Variants in LOXL4 observed in about 807,000 individuals in gnomAD.
The protein encoded by LOXL4 is lysyl oxidase like 4.
A neutral mutation model predicts 89.1 loss-of-function variants in LOXL4; 72 were observed. That is an observed-to-expected ratio of 0.81 (90% CI 0.67 to 0.98). LOXL4 has a LOEUF of 0.98. Among genes scored for constraint, LOXL4 ranks in the 50% least tolerant of loss-of-function variants. The pLI, the probability that LOXL4 is intolerant of heterozygous loss-of-function variation, is 0.00. For missense variants in LOXL4, 984 were observed against 1,017.5 expected (o/e 0.97, Z 0.45); for synonymous variants, 355 against 392.1 (o/e 0.91, Z 1.12).
intron 4 of LOXL4, among the ~76,000 whole-genome samples, chr10:98,259,812 G>C (rs1182419898): frequency 6.6e-6 from 1 of 152,146 alleles, no homozygotes; most frequent in African/African-American, 2.4e-5. Flanking sequence ...CTACCATCAG[G>C]CCTGCCCTCC....
At position 98,251,685 on chromosome 10, in the gene LOXL4, C is replaced by G. The variant is rs74153530; in HGVS notation, c.1969G>C (p.Ala657Pro). The G allele has an allele frequency of 1.1e-5, 17 of 1,614,078 alleles. No homozygotes were observed. In the Admixed American group the frequency reaches 2.7e-4, roughly 25 times the overall value. Reference sequence around the variant, plus strand: ...CCCTGTTCTCCAAAGTTGGCACATGCGTAGCGCCGCTGCAGTCCTGTAAGG... The same window carrying G: ...CCCTGTTCTCCAAAGTTGGCACATGGGTAGCGCCGCTGCAGTCCTGTAAGG... ...NCPTGLQRRY[A>P]CANFGEQGVT... Residue 657 changes from alanine (A) to proline (P), a missense_variant, in exon 13 of 15, where the codon GCA (alanine) becomes CCA (proline). Ala to Pro is a conservative substitution (Grantham distance 27). Coordinates refer to ENST00000260702, the MANE Select transcript of LOXL4 (RefSeq NM_032211.7).
chr10:98,264,209 G>A (rs1005477787), intron 1 of LOXL4, among the ~76,000 whole-genome samples: 12 of 150,826 alleles, frequency 8.0e-5, no homozygotes, highest in African/African-American at 2.2e-4. Context: ...TTAAGACATC[G>A]AACACCCTCC....
chr10:98,267,883 C>T (rs1334328284), intron 1 of LOXL4, among the ~76,000 whole-genome samples: 1 of 152,182 alleles, frequency 6.6e-6, no homozygotes. Flanking sequence ...ACGCAGGCAC[C>T]CCTGAGGCCT....
intron 3 of LOXL4, among the ~76,000 whole-genome samples, chr10:98,261,395 C>A (rs1341575460): frequency 6.6e-6 from 1 of 152,174 alleles, no homozygotes; most frequent in Non-Finnish European, 1.5e-5. Flanking sequence ...CTAGGCAGAT[C>A]TGGCCCCCGC....
In LOXL4 at chr10:98,261,120, C is replaced by T. The variant is rs752347058; in HGVS notation, c.464G>A (p.Arg155Gln). Residue 155 changes from arginine (R) to glutamine (Q), a missense_variant, in exon 4 of 15, where the codon CGG becomes CAG. Arg to Gln is a conservative substitution (Grantham distance 43). Coordinates refer to ENST00000260702, the MANE Select transcript of LOXL4 (RefSeq NM_032211.7). ...VSNALGPQGR[R>Q]LEEVRLKPIL... ...GGGCTTGAGCCGCACCTCCTCCAGC[C>T]GCCGGCCCTGCGGGGTGCACAGTCA... 5.6e-6 allele frequency: 9 copies of T among 1,611,788 alleles called. No homozygotes were observed. Among genetic ancestry groups the T allele is most frequent in the Admixed American group, 3.3e-5 (2 of 60,024 alleles).
At chr10:98,252,800 C>T (rs1564756018) in intron 11 of LOXL4, among the ~76,000 whole-genome samples, 1 of 152,192 alleles carries the variant, frequency 6.6e-6, no homozygotes. Flanking sequence ...CTGTGAGCAG[C>T]CTAGGAGCTG....
chr10:98,256,881 C>A lies in LOXL4; in HGVS notation c.1327G>T (p.Val443Phe). 1 of 1,614,212 alleles carries A rather than the reference C, an allele frequency of 6.2e-7. No individual in the cohort carries two copies. The highest frequency in any genetic ancestry group is 8.5e-7 in the Non-Finnish European group (1 of 1,180,030). The change falls in exon 9 of 15, where the codon GTC becomes TTC. Residue 443 changes from valine (V) to phenylalanine (F), a missense_variant. Val to Phe is a conservative substitution (Grantham distance 50, BLOSUM62 -1). Coordinates refer to ENST00000260702, the MANE Select transcript of LOXL4 (RefSeq NM_032211.7). ...CTGCACACGCTCCCCCAGCGTGGGA[C>A]CCCGTTCACCTCCACCTGCACCTCC... ...LLEVQVEVNG[V>F]PRWGSVCSEN...
chr10:98,256,653 G>A (rs554496180), intron 9 of LOXL4, 127 bp downstream of exon 9: 48 of 1,040,078 alleles, frequency 4.6e-5, no homozygotes, highest in Middle Eastern at 4.0e-4. Flanking sequence ...GCATCATGTC[G>A]GCTCATAGTT....
At chr10:98,253,422 G>T in intron 11 of LOXL4, 131 bp downstream of exon 11, 3 of 1,321,174 alleles carry the variant, frequency 2.3e-6, no homozygotes, top group Non-Finnish European at 3.1e-6. Context: ...CCTCCTGCAG[G>T]CAAGGCCAGC....
chr10:98,254,441 G>A (rs907272021), intron 10 of LOXL4, among the ~76,000 whole-genome samples: 4 of 152,244 alleles, frequency 2.6e-5, no homozygotes, highest in Admixed American at 2.0e-4. Context: ...GGAGCCATCT[G>A]CATCTGGCAG....
Position 98,253,878 on chromosome 10 carries a change from C to T in LOXL4, c.1592-82G>A, listed in dbSNP as rs1158398762. On this transcript the variant is annotated intron_variant, in intron 10 of 14. Coordinates refer to ENST00000260702, the MANE Select transcript of LOXL4 (RefSeq NM_032211.7). ...GTCTCCAGCACAGAGGGCAAGCTTG[C>T]CCCCAGATTAAACCCTCCGAGAGGA... The T allele has an allele frequency of 9.6e-6, 15 of 1,568,878 alleles. No individual in the cohort carries two copies. In the East Asian group the frequency reaches 3.2e-4, roughly 33 times the overall value.
intron 2 of LOXL4, 79 bp downstream of exon 2, chr10:98,262,664 G>A (rs1329292853): frequency 6.6e-7 from 1 of 1,520,732 alleles, no homozygotes; most frequent in Admixed American, 1.7e-5. Flanking sequence ...ATTAAAGGAT[G>A]GGTGGGTGTC....
At position 98,255,918 on chromosome 10, in the gene LOXL4, C is replaced by G. The variant is rs189868380; in HGVS notation, c.1429-179G>C. The G allele has an allele frequency of 3.3e-4, 208 of 637,544 alleles. No homozygotes were observed. In the African/African-American group the frequency reaches 3.7e-3, roughly 11 times the overall value. The allele number at this position is 637,544 out of a possible 1,614,324, so 39.5% of individuals were successfully genotyped here. On this transcript the variant is annotated intron_variant, in intron 9 of 14. Transcript: ENST00000260702. ...CAGTCCATGACACATTTGGACCCTTCTGATGTTAGAAATCCCCACCACATA... is the reference window on the plus strand; with the variant it reads ...CAGTCCATGACACATTTGGACCCTTGTGATGTTAGAAATCCCCACCACATA...
At chr10:98,264,995 G>T (rs1858644375) in intron 1 of LOXL4, among the ~76,000 whole-genome samples, 1 of 152,228 alleles carries the variant, frequency 6.6e-6, no homozygotes, top group African/African-American at 2.4e-5. Context: ...AGGGCTGGGT[G>T]GAGTGGGCTC....
At chr10:98,255,342 G>A (rs1858325673) in intron 10 of LOXL4, among the ~76,000 whole-genome samples, 1 of 152,196 alleles carries the variant, frequency 6.6e-6, no homozygotes, top group East Asian at 1.9e-4. Flanking sequence ...CCGCCGTTCC[G>A]TGTCCTTGTG....
chr10:98,257,783 C>T lies in LOXL4; in HGVS notation c.1127G>A (p.Ser376Asn). ...CTCATATCCCCTGCAGCGCACCTCACTCAGGTGGATGGGCCCTAGCCCTAG... is the reference window on the plus strand; with the variant it reads ...CTCATATCCCCTGCAGCGCACCTCATTCAGGTGGATGGGCCCTAGCCCTAG... ...LGQGLGPIHL[S>N]EVRCRGYERT... The change falls in exon 8 of 15, where the codon AGT becomes AAT. Residue 376 changes from serine to asparagine, a missense_variant. Ser to Asn is a conservative substitution (Grantham distance 46, BLOSUM62 1). Coordinates refer to ENST00000260702, the MANE Select transcript of LOXL4 (RefSeq NM_032211.7). 1.2e-6 allele frequency: 2 copies of T among 1,613,564 alleles called. No individual in the cohort carries two copies. Among genetic ancestry groups the T allele is most frequent in the South Asian group, 1.1e-5 (1 of 91,024 alleles).
intron 5 of LOXL4, 41 bp from the exon 6 acceptor site, chr10:98,259,269 G>A (rs1401462581): frequency 6.3e-7 from 1 of 1,593,054 alleles, no homozygotes; most frequent in Admixed American, 1.7e-5. Flanking sequence ...AAGGGCTGAG[G>A]GAAGAGCTTC....
rs373307070 is a variant in LOXL4, at chr10:98,259,001, G to C, written c.921+8C>G. On this transcript the variant is annotated splice_region_variant and intron_variant, in intron 6 of 14. Coordinates refer to ENST00000260702, the MANE Select transcript of LOXL4 (RefSeq NM_032211.7). ...CTGTGGTGTGAGTGCAGGATGCCCA[G>C]GGCTCACCTCTGCCCAGGACCCTTT... The C allele has an allele frequency of 5.3e-5, 81 of 1,527,580 alleles. No homozygotes were observed. The South Asian group carries it at 8.7e-4, about 16-fold the overall frequency. The allele number at this position is 1,527,580 out of a possible 1,614,324, so 94.6% of individuals were successfully genotyped here. A position where few individuals can be genotyped will look rare whatever the true frequency, so the allele number is the denominator to read the frequency against.
intron 1 of LOXL4, 46 bp from the exon 2 acceptor site, chr10:98,263,097 T>C (rs1858595442): frequency 4.6e-6 from 7 of 1,506,684 alleles, no homozygotes; most frequent in African/African-American, 1.4e-5. Context: ...TCTACCCAGA[T>C]CTCAGACCTC....
Sources: gnomAD v4.1 joint callset for allele counts (sites outside exome capture counted in the v4.1 genomes callset) on GRCh38, gnomAD v4.1.1 for gene constraint, MANE v1.5 for transcripts, NCBI Gene and HGNC (gene_info 2026-07-23, HGNC 2026-07-21) for gene names.